FMN1: variants seen among roughly 807,000 people sequenced by gnomAD.
FMN1 encodes the protein formin 1.
FMN1 carries 110 observed loss-of-function variants against 132.4 expected under a neutral mutation model. The ratio of observed to expected loss-of-function variants is 0.83; its 90% CI spans 0.71 to 0.97. FMN1 has a LOEUF of 0.97. Ranked by LOEUF, FMN1 falls within the 50% of genes least tolerant of loss-of-function variation. FMN1 has a pLI of 0.00. For missense variants in FMN1, 1,792 were observed against 1,705.3 expected (o/e 1.05, Z -0.90); for synonymous variants, 722 against 651.7 (o/e 1.11, Z -1.64).
intron 9 of FMN1, among the ~76,000 whole-genome samples, chr15:32,929,468 C>CAAA (rs2140371180): frequency 6.6e-6 from 1 of 152,160 alleles, no homozygotes; most frequent in South Asian, 2.1e-4. Flanking sequence ...ATCCTATTAA[C>CAAA]AAAAATTTAA....
chr15:33,066,521 T>C (rs1259156076), intron 5 of FMN1: 2 of 1,545,392 alleles, frequency 1.3e-6, no homozygotes, highest in Admixed American at 2.1e-5. Context: ...ACTTTTGGAA[T>C]CAGAGGGGCC....
At chr15:32,915,649 A>C (rs1360139787) in intron 10 of FMN1, among the ~76,000 whole-genome samples, 1 of 151,096 alleles carries the variant, frequency 6.6e-6, no homozygotes, top group Non-Finnish European at 1.5e-5. Flanking sequence ...AATTCCAAGT[A>C]ATCCTACTTT....
intron 9 of FMN1, among the ~76,000 whole-genome samples, chr15:32,951,424 G>GACACACACACACAC (rs3081377): frequency 6.7e-6 from 1 of 148,966 alleles, no homozygotes; most frequent in Non-Finnish European, 1.5e-5. Flanking sequence ...GCCCCAGTGG[G>GACACACACACACAC]ACACACACAC....
chr15:32,957,546 T>C (rs920124480), intron 9 of FMN1, among the ~76,000 whole-genome samples: 1 of 152,112 alleles, frequency 6.6e-6, no homozygotes, highest in African/African-American at 2.4e-5. Flanking sequence ...TGTGGGATAC[T>C]TCCATGAATA....
chr15:33,004,007 C>T, intron 7 of FMN1, among the ~76,000 whole-genome samples: 1 of 151,852 alleles, frequency 6.6e-6, no homozygotes, highest in Admixed American at 6.6e-5. Flanking sequence ...AAAGCTGAAA[C>T]TGGATCCCTT....
chr15:32,926,323 G>A (rs970954366), intron 9 of FMN1, 62 bp from the exon 10 acceptor site: 7 of 923,522 alleles, frequency 7.6e-6, no homozygotes, highest in African/African-American at 5.1e-5. Flanking sequence ...CTTTCAGGAC[G>A]CACACCAAAA....
At chr15:33,065,559 G>T (rs1166028822) in intron 5 of FMN1, among the ~76,000 whole-genome samples, 1 of 152,156 alleles carries the variant, frequency 6.6e-6, no homozygotes, top group Non-Finnish European at 1.5e-5. Flanking sequence ...ATAAACGAAT[G>T]AATGAGATTT....
chr15:32,901,893 A>G lies in FMN1; in HGVS notation c.3507+18T>C, dbSNP rs766993052. On this transcript the variant is annotated intron_variant, in intron 13 of 20. Transcript: ENST00000616417. ...TCTTCAGAGCAAGGCTATCTTTTAA[A>G]TTAGACAGTAAACATACCTTAGAAG... is the stretch of plus-strand genomic sequence containing the variant. 2 of 1,592,016 alleles carry G rather than the reference A, an allele frequency of 1.3e-6. No homozygotes were observed. Among genetic ancestry groups the G allele is most frequent in the Non-Finnish European group, 8.5e-7 (1 of 1,172,510 alleles).
intron 17 of FMN1, among the ~76,000 whole-genome samples, chr15:32,827,565 T>C (rs1037479425): frequency 8.5e-5 from 13 of 152,184 alleles, no homozygotes; most frequent in African/African-American, 3.1e-4. Flanking sequence ...AGAAAGGACA[T>C]ACAGGCCGGA....
intron 2 of FMN1, among the ~76,000 whole-genome samples, chr15:33,183,200 A>G (rs1965762991): frequency 6.6e-6 from 1 of 152,226 alleles, no homozygotes; most frequent in Admixed American, 6.5e-5. Context: ...ACTTTAGGAT[A>G]TTACTTACTG....
rs74904672 is a variant in FMN1 at position 33,048,565 on chromosome 15, G to A, written c.2161+16392C>T. Among the ~76,000 whole-genome samples the A allele has an allele frequency of 7.1e-3, 1,040 of 146,128 alleles. 9 individuals are homozygous for A. The highest frequency in any genetic ancestry group is 0.024 in the African/African-American group (959 of 39,538). On this transcript the variant is annotated intron_variant, in intron 6 of 20. Coordinates refer to ENST00000616417, the MANE Select transcript of FMN1 (RefSeq NM_001277313.2). ...AAAAAAAGTTTTACATGCAAGGTGC[G>A]TAAAGAAATACATTAGTCTGTTTTC... is the stretch of plus-strand genomic sequence containing the variant.
intron 19 of FMN1, among the ~76,000 whole-genome samples, chr15:32,781,287 C>G (rs2056655221): frequency 1.3e-5 from 2 of 152,130 alleles, no homozygotes; most frequent in Non-Finnish European, 2.9e-5. Context: ...TAATATTAAT[C>G]ACATACTTGT....
chr15:33,164,076 G>C (rs1264571226), intron 3 of FMN1, among the ~76,000 whole-genome samples: 3 of 150,020 alleles, frequency 2.0e-5, no homozygotes, highest in Non-Finnish European at 4.5e-5. Context: ...AGGACACATG[G>C]GGAGGAATCA....
intron 4 of FMN1, among the ~76,000 whole-genome samples, chr15:33,118,767 T>A (rs1397590556): frequency 6.6e-6 from 1 of 152,210 alleles, no homozygotes; most frequent in Non-Finnish European, 1.5e-5. Flanking sequence ...TTTCTTGATA[T>A]TGATACAGCA....
In FMN1 at chr15:32,916,133, T is replaced by G. The variant is rs149293116; in HGVS notation, c.3227-5598A>C. Reference sequence around the variant, plus strand: ...CAAAAAGCAGATCAGTATCACAAATTCAAACTAACAGGCACACATAAAAAC... The same window carrying G: ...CAAAAAGCAGATCAGTATCACAAATGCAAACTAACAGGCACACATAAAAAC... On this transcript the variant is annotated intron_variant, in intron 10 of 20. Transcript: ENST00000616417. Among the ~76,000 whole-genome samples, 4 of 152,274 alleles carry G rather than the reference T, an allele frequency of 2.6e-5. No homozygotes were observed. The East Asian group carries it at 7.7e-4, about 29-fold the overall frequency.
At chr15:32,788,740 C>CA (rs1473977044) in intron 19 of FMN1, among the ~76,000 whole-genome samples, 19 of 152,228 alleles carry the variant, frequency 1.2e-4, no homozygotes, top group African/African-American at 4.3e-4. Flanking sequence ...GGAGTGCGGA[C>CA]AGATGCTCTC....
rs1966172104 is a variant in FMN1 at position 33,193,923 on chromosome 15, T to A, written c.-211A>T. ...TCAGCACTTACATGCCTTTAGAGAATCTGCCTTTACAGAACTTGAAGAGCT... is the reference window on the plus strand; with the variant it reads ...TCAGCACTTACATGCCTTTAGAGAAACTGCCTTTACAGAACTTGAAGAGCT... On this transcript the variant is annotated 5_prime_UTR_variant, in exon 2 of 21. Coordinates refer to ENST00000616417, the MANE Select transcript of FMN1 (RefSeq NM_001277313.2). 6.6e-6 allele frequency: 1 copy of A among 151,946 alleles called. No individual in the cohort carries two copies. Among genetic ancestry groups the A allele is most frequent in the Non-Finnish European group, 1.5e-5 (1 of 68,032 alleles). The allele number at this position is 151,946 out of a possible 1,614,324, so 9.4% of individuals were successfully genotyped here. A position where few individuals can be genotyped will look rare whatever the true frequency, so the allele number is the denominator to read the frequency against.
intron 15 of FMN1, among the ~76,000 whole-genome samples, chr15:32,890,738 G>A (rs1004410207): frequency 9.2e-5 from 14 of 152,038 alleles, no homozygotes; most frequent in Non-Finnish European, 1.8e-4. Context: ...AAGCTCTTTG[G>A]TTTAACTAAG....
intron 6 of FMN1, among the ~76,000 whole-genome samples, chr15:33,030,671 G>C (rs907391922): frequency 6.6e-6 from 1 of 152,140 alleles, no homozygotes; most frequent in Non-Finnish European, 1.5e-5. Flanking sequence ...AGATGCATCA[G>C]TATTTACATA....
Sources: gnomAD v4.1 joint callset for allele counts (sites outside exome capture counted in the v4.1 genomes callset) on GRCh38, gnomAD v4.1.1 for gene constraint, MANE v1.5 for transcripts, NCBI Gene and HGNC (gene_info 2026-07-23, HGNC 2026-07-21) for gene names.